Variants in TENM2 observed in about 807,000 individuals in gnomAD.
The protein encoded by TENM2 is teneurin transmembrane protein 2, also known as teneurin-2.
A neutral mutation model predicts 245.2 loss-of-function variants in TENM2; 52 were observed. The observed-to-expected ratio is 0.21, with a 90% CI of 0.17 to 0.27. The LOEUF (loss-of-function observed/expected upper bound fraction) is 0.27. Ranked by LOEUF, TENM2 falls within the 10% of genes least tolerant of loss-of-function variation. The pLI is 1.00. For missense variants in TENM2, 3,046 were observed against 3,666.8 expected, an observed-to-expected ratio of 0.83 and a Z score of 4.37; for synonymous variants, 1,363 against 1,438.9, an observed-to-expected ratio of 0.95 and a Z score of 1.19.
chr5:167,644,573 A>G (rs368045149), intron 2 of TENM2, among the ~76,000 whole-genome samples: 2 of 152,296 alleles, frequency 1.3e-5, no homozygotes, highest in African/African-American at 4.8e-5. Context: ...TGCTACAGAC[A>G]TTACGAGGCT....
At chr5:168,225,575 A>G (rs1764092871) in intron 23 of TENM2, among the ~76,000 whole-genome samples, 1 of 152,172 alleles carries the variant, frequency 6.6e-6, no homozygotes, top group Non-Finnish European at 1.5e-5. Context: ...AGATTGGCCA[A>G]CATGGCAAAA....
rs544699415 is a variant in TENM2, at chr5:167,663,141, G to GGAGAGAGAGAGAGA, written c.503-212812_503-212799dup. Among the ~76,000 whole-genome samples, 307 of 108,572 alleles carry GGAGAGAGAGAGAGA rather than the reference G, an allele frequency of 2.8e-3. 1 individual carries two copies. Among genetic ancestry groups the GGAGAGAGAGAGAGA allele is most frequent in the Non-Finnish European group, 3.7e-3 (199 of 53,510 alleles). The allele number at this position is 108,572 out of a possible 152,430, so 71.2% of individuals were successfully genotyped here. A position where few individuals can be genotyped will look rare whatever the true frequency, so the allele number is the denominator to read the frequency against. On this transcript the variant is annotated intron_variant, in intron 2 of 28. Transcript: ENST00000518659. ...AGAGAGACAGAGAGAATGGGGATGG[G>GGAGAGAGAGAGAGA]GAGAGAGAGAGAGAGAGAGAGAGAG... is the stretch of plus-strand genomic sequence containing the variant.
chr5:168,161,964 C>T (rs1757786600), intron 12 of TENM2, among the ~76,000 whole-genome samples: 1 of 152,134 alleles, frequency 6.6e-6, no homozygotes, highest in South Asian at 2.1e-4. Context: ...TCTATCCACT[C>T]CACAGCCTTC....
intron 23 of TENM2, among the ~76,000 whole-genome samples, chr5:168,224,637 C>G (rs946671358): frequency 6.6e-6 from 1 of 152,120 alleles, no homozygotes; most frequent in Non-Finnish European, 1.5e-5. Flanking sequence ...TCTCTGAGGA[C>G]CCCCCATCCC....
At chr5:167,160,508 G>A in the TENM2 span, among the ~76,000 whole-genome samples, 8 of 152,354 alleles carry the variant, frequency 5.3e-5, no homozygotes, top group South Asian at 2.1e-4. Flanking sequence ...ATGCAAGACC[G>A]CTTTGGCGGC....
intron 3 of TENM2, among the ~76,000 whole-genome samples, chr5:167,926,500 A>G (rs952228138): frequency 1.7e-4 from 26 of 152,116 alleles, no homozygotes; most frequent in African/African-American, 6.3e-4. Context: ...CGGACAGATC[A>G]CCTGAGGCCA....
chr5:167,744,102 G>C (rs1166871845), intron 2 of TENM2, among the ~76,000 whole-genome samples: 1 of 152,172 alleles, frequency 6.6e-6, no homozygotes, highest in Non-Finnish European at 1.5e-5. Context: ...CACAGAATCT[G>C]TTTATTCAGC....
intron 7 of TENM2, among the ~76,000 whole-genome samples, chr5:168,065,618 T>C (rs1330954299): frequency 6.6e-6 from 1 of 152,008 alleles, no homozygotes; most frequent in Non-Finnish European, 1.5e-5. Flanking sequence ...ATTATACAAA[T>C]ATAGATTTTT....
chr5:167,747,734 C>T lies in TENM2; in HGVS notation c.503-128252C>T, dbSNP rs886636444. On this transcript the variant is annotated intron_variant, in intron 2 of 28. Coordinates refer to ENST00000518659, the Ensembl canonical transcript of TENM2. ...CCATAAATTTGGTCTTCATTGTCAA[C>T]AGTATCCTATGACTATTTTTCCAAT... Among the ~76,000 whole-genome samples the T allele has an allele frequency of 2.6e-5, 4 of 152,282 alleles. No homozygotes were observed. The South Asian group carries it at 6.2e-4, about 24-fold the overall frequency.
intron 2 of TENM2, among the ~76,000 whole-genome samples, chr5:167,501,473 T>C (rs1449226622): frequency 6.6e-6 from 1 of 152,236 alleles, no homozygotes; most frequent in Non-Finnish European, 1.5e-5. Flanking sequence ...GACTTGTTTA[T>C]GTTGATTGTA....
chr5:167,548,191 GC>G (rs1225822924), intron 2 of TENM2, among the ~76,000 whole-genome samples: 2 of 152,210 alleles, frequency 1.3e-5, no homozygotes, highest in Non-Finnish European at 2.9e-5. Context: ...GATGAAAGGT[GC>G]TTTAGAAGGC....
chr5:167,926,054 G>T (rs1777737341), intron 3 of TENM2, among the ~76,000 whole-genome samples: 1 of 152,074 alleles, frequency 6.6e-6, no homozygotes, highest in African/African-American at 2.4e-5. Context: ...AAACTCCCAA[G>T]ACACGTGTTT....
chr5:168,118,416 G>C (rs898723814), exon 10 of TENM2: 10 of 1,610,476 alleles, frequency 6.2e-6, no homozygotes, highest in Non-Finnish European at 5.9e-6. Context: ...CTTCCTGCGG[G>C]GGCCACGGCT....
At chr5:168,145,590 A>G (rs1368803115) in intron 12 of TENM2, among the ~76,000 whole-genome samples, 3 of 151,376 alleles carry the variant, frequency 2.0e-5, no homozygotes, top group South Asian at 2.1e-4. Flanking sequence ...GTAGCCTTGT[A>G]GTATAGTTTG....
chr5:167,940,046 A>T (rs1248663327), intron 3 of TENM2, among the ~76,000 whole-genome samples: 1 of 152,030 alleles, frequency 6.6e-6, no homozygotes, highest in African/African-American at 2.4e-5. Context: ...TCGTGTTTGG[A>T]TTGCTGTAGG....
chr5:167,785,082 A>G (rs1008278172), intron 2 of TENM2, among the ~76,000 whole-genome samples: 14 of 152,196 alleles, frequency 9.2e-5, no homozygotes, highest in Non-Finnish European at 1.6e-4. Context: ...TACATTTCTA[A>G]TTCTTAAAAT....
chr5:168,002,279 G>A (rs1476232728), intron 5 of TENM2, among the ~76,000 whole-genome samples: 1 of 152,148 alleles, frequency 6.6e-6, no homozygotes, highest in Non-Finnish European at 1.5e-5. Context: ...GTGCAAACAT[G>A]TTCGGCACTC....
At chr5:167,053,097 TCTC>T in the TENM2 span, among the ~76,000 whole-genome samples, 2 of 152,170 alleles carry the variant, frequency 1.3e-5, no homozygotes, top group Non-Finnish European at 2.9e-5. Context: ...CTAGTGGAAT[TCTC>T]CTTCTCCTCC....
At chr5:168,240,832 T>C (rs1470667870) in intron 25 of TENM2, 1 of 152,140 alleles carries the variant, frequency 6.6e-6, no homozygotes, top group East Asian at 1.9e-4. Context: ...ACCCTGGAAA[T>C]CCTTCCTCAT....
Sources: allele counts gnomAD v4.1 joint callset (sites outside exome capture counted in the v4.1 genomes callset), GRCh38; gene constraint gnomAD v4.1.1; transcripts MANE v1.5; gene names NCBI Gene and HGNC (gene_info 2026-07-23, HGNC 2026-07-21).